Variants in OXNAD1 observed in about 807,000 individuals in gnomAD.
OXNAD1 encodes the protein oxidoreductase NAD binding domain containing 1.
A neutral mutation model predicts 32.9 loss-of-function variants in OXNAD1; 34 were observed. That is an observed-to-expected ratio of 1.03 (90% CI 0.79 to 1.38). The LOEUF (loss-of-function observed/expected upper bound fraction) is 1.38. Ranked by LOEUF, OXNAD1 falls within the 40% of genes most tolerant of loss-of-function variation. The probability of loss-of-function intolerance (pLI) is 0.00; values close to 1 mark genes in which losing one functional copy is unlikely to be tolerated. For synonymous variants in OXNAD1, 134 were observed against 135.2 expected, an observed-to-expected ratio of 0.99 and a Z score of 0.06; for missense variants, 407 against 379.4, an observed-to-expected ratio of 1.07 and a Z score of -0.60.
chr3:16,338,153 G>A (rs577272380), downstream of OXNAD1, among the ~76,000 whole-genome samples: 2 of 152,322 alleles, frequency 1.3e-5, no homozygotes, highest in Admixed American at 6.5e-5. This position sits in a 1 kb window ranked among gnomAD's most constrained non-coding sequence, Gnocchi z 5.3. Flanking sequence ...TTTCTCTAAC[G>A]TCAGTTACTT....
In OXNAD1 at chr3:16,348,353, G is replaced by T. The variant is rs1343330152; in HGVS notation, c.*31-823G>T. ...AGATCATCCACATTATCCAATATGT[G>T]TTCTAATTATAAAAAAAAATTAATA... is the stretch of plus-strand genomic sequence containing the variant. On this transcript the variant is annotated intron_variant, in intron 9 of 9. Coordinates refer to the OXNAD1 transcript ENST00000606098. This position sits in a 1 kb window ranked among gnomAD's most constrained non-coding sequence, Gnocchi z 6.3. Among the ~76,000 whole-genome samples, 1 of 149,306 alleles carries T rather than the reference G, an allele frequency of 6.7e-6. No individual in the cohort carries two copies. The highest frequency in any genetic ancestry group is 2.0e-4 in the East Asian group (1 of 5,102).
In OXNAD1 at chr3:16,302,302, G is replaced by T. The variant is rs1318545119; in HGVS notation, c.676-338G>T. On this transcript the variant is annotated intron_variant, in intron 7 of 8. Transcript: ENST00000285083. The surrounding 1 kb of genome is among the most constrained non-coding windows in gnomAD (Gnocchi z 4.2). ...AGCTTTCACTGGGGATTGCTTTGCAGCTGCAGGAATGAACAAAAGAACAGA... is the reference window on the plus strand; with the variant it reads ...AGCTTTCACTGGGGATTGCTTTGCATCTGCAGGAATGAACAAAAGAACAGA... 6.6e-6 allele frequency among the ~76,000 whole-genome samples: 1 copy of T among 152,232 alleles called. No homozygotes were observed. The highest frequency in any genetic ancestry group is 1.5e-5 in the Non-Finnish European group (1 of 68,040).
chr3:16,324,646 T>G (rs1024368037), intron 9 of OXNAD1, among the ~76,000 whole-genome samples: 2 of 100,434 alleles, frequency 2.0e-5, no homozygotes, highest in Non-Finnish European at 3.8e-5. Flanking sequence ...TAGTATTCCA[T>G]TGTGTGTGTG....
In OXNAD1 at chr3:16,320,383, C is replaced by T. The variant is rs933449534; in HGVS notation, c.*31-16729C>T. 1.6e-4 allele frequency among the ~76,000 whole-genome samples: 24 copies of T among 152,160 alleles called. No individual in the cohort carries two copies. The highest frequency in any genetic ancestry group is 4.8e-4 in the African/African-American group (20 of 41,420). On this transcript the variant is annotated intron_variant, in intron 9 of 9. Transcript: ENST00000435829. The surrounding 1 kb of genome is among the most constrained non-coding windows in gnomAD (Gnocchi z 4.5). ...GTGTGCCAATCTTGCAGTTTCTTTT[C>T]TTAAGTTTTAATGCTAGACATACTA...
At chr3:16,340,729 T>G (rs751296158), downstream of OXNAD1, among the ~76,000 whole-genome samples, 2 of 152,232 alleles carry the variant, frequency 1.3e-5, no homozygotes, top group Non-Finnish European at 2.9e-5. Context: ...TTTGTGCTAA[T>G]CCCTACCCCT....
intron 1 of OXNAD1, among the ~76,000 whole-genome samples, chr3:16,267,573 T>A (rs2064620356): frequency 6.6e-6 from 1 of 152,332 alleles, no homozygotes; most frequent in African/African-American, 2.4e-5. Flanking sequence ...CTTTAACATT[T>A]GCTTGGCCGC....
At chr3:16,324,932 A>G (rs566710732) in intron 9 of OXNAD1, among the ~76,000 whole-genome samples, 1 of 152,052 alleles carries the variant, frequency 6.6e-6, no homozygotes, top group Non-Finnish European at 1.5e-5. Flanking sequence ...TTAATTTACA[A>G]TCCCACCAAG....
chr3:16,341,104 C>T (rs894025639), downstream of OXNAD1, among the ~76,000 whole-genome samples: 2 of 152,104 alleles, frequency 1.3e-5, no homozygotes, highest in African/African-American at 4.8e-5. The surrounding 1 kb of genome is among the most constrained non-coding windows in gnomAD (Gnocchi z 4.7). Context: ...TAAGACAGTC[C>T]ACCTTAGAAT....
intron 4 of OXNAD1, chr3:16,274,953 C>T (rs753735735): frequency 6.6e-6 from 1 of 152,152 alleles, no homozygotes; most frequent in African/African-American, 2.4e-5. Context: ...TCTCATAGTT[C>T]CTTAAGATCA....
At chr3:16,307,616 T>A (rs2067653582), downstream of OXNAD1, among the ~76,000 whole-genome samples, 1 of 152,100 alleles carries the variant, frequency 6.6e-6, no homozygotes, top group Non-Finnish European at 1.5e-5. Flanking sequence ...ATAATGAATA[T>A]AGATAATAGT....
chr3:16,270,832 TCA>T, intron 2 of OXNAD1, 111 bp from the exon 3 acceptor site: 1 of 1,462,438 alleles, frequency 6.8e-7, no homozygotes, highest in East Asian at 2.3e-5. Flanking sequence ...GTAACTTGAC[TCA>T]TAATAGCACC....
intron 9 of OXNAD1, among the ~76,000 whole-genome samples, chr3:16,333,553 T>G (rs1430188687): frequency 6.6e-6 from 1 of 152,206 alleles, no homozygotes; most frequent in Non-Finnish European, 1.5e-5. Context: ...CCAATCCCCC[T>G]CATTTAATAA....
chr3:16,298,404 C>T lies in OXNAD1; in HGVS notation c.433-3222C>T, dbSNP rs2066949100. Among the ~76,000 whole-genome samples, 1 of 152,160 alleles carries T rather than the reference C, an allele frequency of 6.6e-6. No homozygotes were observed. The highest frequency in any genetic ancestry group is 2.1e-4 in the South Asian group (1 of 4,832). The stretch of plus-strand genomic sequence containing the variant: ...TGGTCCACAGCTTCCTGCTTGGTTT[C>T]ATGCCTCATTGGCATTTCAGTGAAG... On this transcript the variant is annotated intron_variant, in intron 6 of 8. Coordinates refer to ENST00000285083, the MANE Select transcript of OXNAD1 (RefSeq NM_138381.5). The surrounding 1 kb of genome is among the most constrained non-coding windows in gnomAD (Gnocchi z 5.1).
downstream of OXNAD1, among the ~76,000 whole-genome samples, chr3:16,342,217 C>T (rs1350618851): frequency 3.3e-5 from 5 of 152,190 alleles, no homozygotes; most frequent in Non-Finnish European, 5.9e-5. The surrounding 1 kb of genome is among the most constrained non-coding windows in gnomAD (Gnocchi z 4.0). Context: ...CCACCCACCC[C>T]GAGGCAACCA....
intron 9 of OXNAD1, among the ~76,000 whole-genome samples, chr3:16,324,582 C>T (rs998275407): frequency 1.4e-5 from 2 of 147,458 alleles, no homozygotes; most frequent in Non-Finnish European, 3.0e-5. Context: ...CTTCCAGGCT[C>T]ATCCTTGTAA....
rs145294222 is a variant in OXNAD1 at position 16,270,990 on chromosome 3, G to A, written c.38G>A (p.Arg13Gln). 3,660 of 1,614,118 alleles carry A rather than the reference G, an allele frequency of 2.3e-3. 6 individuals carry two copies. Among genetic ancestry groups the A allele is most frequent in the Non-Finnish European group, 2.8e-3 (3,323 of 1,180,016 alleles). The part of the protein sequence containing the change: ...CAAVMIPGLL[R>Q]CSVGAIRIEA... The stretch of plus-strand genomic sequence containing the variant: ...GCTGTTATGATTCCTGGGTTGTTGC[G>A]GTGCTCTGTTGGAGCCATCCGTATT... Residue 13 changes from arginine to glutamine, a missense_variant, in exon 3 of 9, where the codon CGG becomes CAG. Arg to Gln is a conservative substitution (Grantham distance 43). Coordinates refer to ENST00000285083, the MANE Select transcript of OXNAD1 (RefSeq NM_138381.5).
rs561102167 is a variant in OXNAD1, at chr3:16,299,181, C to G, written c.433-2445C>G. Among the ~76,000 whole-genome samples, 1 of 152,320 alleles carries G rather than the reference C, an allele frequency of 6.6e-6. No homozygotes were observed. Among genetic ancestry groups the G allele is most frequent in the Non-Finnish European group, 1.5e-5 (1 of 68,020 alleles). ...GGCCACTGGAGAAAATTATTTCAGT[C>G]TCTTTCACTCTGATTCTTATAGATA... On this transcript the variant is annotated intron_variant, in intron 6 of 8. Transcript: ENST00000285083. The surrounding 1 kb of genome is among the most constrained non-coding windows in gnomAD (Gnocchi z 4.4).
chr3:16,317,788 A>G lies in OXNAD1; in HGVS notation c.*30+14196A>G, dbSNP rs1257162724. Among the ~76,000 whole-genome samples the G allele has an allele frequency of 6.6e-6, 1 of 151,940 alleles. No homozygotes were observed. Among genetic ancestry groups the G allele is most frequent in the Non-Finnish European group, 1.5e-5 (1 of 68,022 alleles). On this transcript the variant is annotated intron_variant, in intron 9 of 9. Coordinates refer to the OXNAD1 transcript ENST00000435829. The surrounding 1 kb of genome is among the most constrained non-coding windows in gnomAD (Gnocchi z 4.3). ...CAGCTAGGCCGATAGCCCTTTGCTGACCACCACCTCACAGAAGGGTCACAC... is the reference window on the plus strand; with the variant it reads ...CAGCTAGGCCGATAGCCCTTTGCTGGCCACCACCTCACAGAAGGGTCACAC...
rs1319797598 is a variant in OXNAD1 at position 16,284,588 on chromosome 3, C to T, written c.184-1754C>T. The stretch of plus-strand genomic sequence containing the variant: ...GGATCACCTTGTATATGTGCTTTGT[C>T]GTTGACCAAAATGTCGTTGCACAGC... On this transcript the variant is annotated intron_variant, in intron 4 of 8. Transcript: ENST00000285083. This position sits in a 1 kb window ranked among gnomAD's most constrained non-coding sequence, Gnocchi z 4.1. 1.3e-5 allele frequency among the ~76,000 whole-genome samples: 2 copies of T among 152,206 alleles called. No individual in the cohort carries two copies. Among genetic ancestry groups the T allele is most frequent in the Non-Finnish European group, 2.9e-5 (2 of 68,046 alleles).
Sources: gnomAD v4.1 joint callset for allele counts (sites outside exome capture counted in the v4.1 genomes callset) on GRCh38, gnomAD v4.1.1 for gene constraint, Gnocchi (gnomAD v3.1) non-coding constraint, MANE v1.5 for transcripts, NCBI Gene and HGNC (gene_info 2026-07-23, HGNC 2026-07-21) for gene names.